HSD17B4: variants seen among roughly 807,000 people sequenced by gnomAD.
HSD17B4 encodes the protein peroxisomal multifunctional enzyme type 2.
Under a neutral mutation model 101.0 loss-of-function variants are expected in HSD17B4, and 70 were observed. That is an observed-to-expected ratio of 0.69 (90% CI 0.57 to 0.85). The LOEUF is 0.85. HSD17B4 is among the 40% of genes least tolerant of loss of function. HSD17B4 has a pLI of 0.00. For missense variants in HSD17B4, 984 were observed against 892.4 expected, an observed-to-expected ratio of 1.10 and a Z score of -1.31; for synonymous variants, 347 against 297.1, an observed-to-expected ratio of 1.17 and a Z score of -1.73.
At chr5:119,463,653 G>GTTTTTT (rs1755502154) in intron 2 of HSD17B4, among the ~76,000 whole-genome samples, 1 of 30,304 alleles carries the variant, frequency 3.3e-5, no homozygotes, top group Non-Finnish European at 7.6e-5. Context: ...CCATTTATAT[G>GTTTTTT]TCTTTTTTTT....
chr5:119,470,035 C>G (rs764047969), intron 2 of HSD17B4, among the ~76,000 whole-genome samples: 6 of 152,110 alleles, frequency 3.9e-5, no homozygotes, highest in African/African-American at 9.7e-5. Flanking sequence ...TTGTCTTGGT[C>G]CATATGGGGC....
Position 119,465,378 on chromosome 5 carries a change from G to T in HSD17B4, c.113-8530G>T, listed in dbSNP as rs559167401. ...TTGGTGATAAGTGAGTTCTTACTCA[G>T]TTCATGTGAGATCTGGTTGTTTAAA... On this transcript the variant is annotated intron_variant, in intron 2 of 23. Transcript: ENST00000510025. 4.6e-5 allele frequency among the ~76,000 whole-genome samples: 7 copies of T among 152,290 alleles called. No individual in the cohort carries two copies. In the East Asian group the frequency reaches 1.4e-3, roughly 29 times the overall value.
chr5:119,530,210 C>T, intron 21 of HSD17B4: 1 of 472,028 alleles, frequency 2.1e-6, no homozygotes, highest in Non-Finnish European at 3.8e-6. Flanking sequence ...TTCAAGAGAA[C>T]ATAATTTTCT....
intron 22 of HSD17B4, among the ~76,000 whole-genome samples, chr5:119,535,592 T>C (rs554048588): frequency 4.6e-4 from 69 of 151,158 alleles, no homozygotes; most frequent in Non-Finnish European, 9.7e-4. Flanking sequence ...AAAAGTAATA[T>C]GCTCTTGGTG....
chr5:119,529,242 T>C (rs748592289), intron 20 of HSD17B4, among the ~76,000 whole-genome samples: 125 of 152,304 alleles, frequency 8.2e-4, no homozygotes, highest in Middle Eastern at 3.4e-3. Flanking sequence ...TATGAAAGAA[T>C]AGCCATTGGA....
intron 13 of HSD17B4, chr5:119,499,780 C>T (rs1750992925): frequency 2.9e-5 from 9 of 308,658 alleles, no homozygotes; most frequent in Non-Finnish European, 4.6e-5. Context: ...TGTGTAGTCC[C>T]ATAACCCTGG....
intron 2 of HSD17B4, among the ~76,000 whole-genome samples, chr5:119,470,384 G>A (rs188162373): frequency 3.7e-4 from 57 of 152,222 alleles, no homozygotes; most frequent in Admixed American, 2.7e-3. Flanking sequence ...CACCAGCAGT[G>A]GTTCCATTAC....
chr5:119,517,717 A>G (rs1449536809), intron 17 of HSD17B4, among the ~76,000 whole-genome samples: 3 of 152,134 alleles, frequency 2.0e-5, no homozygotes, highest in African/African-American at 4.8e-5. Context: ...GACACTCTGT[A>G]TCTAGCTGCT....
At chr5:119,499,618 T>C in intron 13 of HSD17B4, 65 bp downstream of exon 13, 1 of 847,274 alleles carries the variant, frequency 1.2e-6, no homozygotes, top group South Asian at 1.3e-5. Context: ...ATTAATGTCA[T>C]ATCTTATATA....
Position 119,477,493 on chromosome 5 carries a change from G to A in HSD17B4, c.426G>A (p.Lys142=), listed in dbSNP as rs758018890. The change falls in exon 7 of 24, where the codon AAG becomes AAA. Residue 142 remains lysine, a synonymous_variant. Coordinates refer to ENST00000510025, the MANE Select transcript of HSD17B4 (RefSeq NM_000414.4). The part of the protein sequence containing the change: ...RAAWEHMKKQ[K]YGRIIMTSSA... ...CATGGGAACACATGAAGAAACAGAAGTATGGAAGGTAGAGTTGCATGTGGT... is the reference window on the plus strand; with the variant it reads ...CATGGGAACACATGAAGAAACAGAAATATGGAAGGTAGAGTTGCATGTGGT... 1.2e-6 allele frequency: 2 copies of A among 1,611,038 alleles called. No homozygotes were observed. The highest frequency in any genetic ancestry group is 4.5e-5 in the East Asian group (2 of 44,842).
chr5:119,507,271 C>T (rs965032314), intron 15 of HSD17B4, among the ~76,000 whole-genome samples: 8 of 152,092 alleles, frequency 5.3e-5, no homozygotes, highest in African/African-American at 1.9e-4. Flanking sequence ...AATGTGTTAG[C>T]TATTTGGAAC....
At chr5:119,530,870 A>AC (rs1561490067) in intron 21 of HSD17B4, among the ~76,000 whole-genome samples, 24 of 141,426 alleles carry the variant, frequency 1.7e-4, no homozygotes, top group Admixed American at 1.4e-4. Context: ...AAAACAAAAA[A>AC]CAAAAAAAAC....
intron 19 of HSD17B4, among the ~76,000 whole-genome samples, chr5:119,526,703 T>C (rs1753631933): frequency 6.6e-6 from 1 of 151,962 alleles, no homozygotes; most frequent in African/African-American, 2.4e-5. Context: ...TCCAGTAATA[T>C]ATACACAGAG....
rs1422412628 is a variant in HSD17B4 at position 119,471,964 on chromosome 5, CTG to C, written c.113-1942_113-1941del. Among the ~76,000 whole-genome samples, 3 of 152,220 alleles carry C rather than the reference CTG, an allele frequency of 2.0e-5. No individual in the cohort carries two copies. In the East Asian group the frequency reaches 5.8e-4, roughly 29 times the overall value. ...CATTCTTATACATTTGTGTGTCCCT[CTG>C]TAGATTTTCCTGCAAATAGTAAATT... On this transcript the variant is annotated intron_variant, in intron 2 of 23. Transcript: ENST00000510025.
At chr5:119,462,768 T>A (rs911860295) in intron 2 of HSD17B4, among the ~76,000 whole-genome samples, 2 of 152,240 alleles carry the variant, frequency 1.3e-5, no homozygotes, top group South Asian at 4.1e-4. Flanking sequence ...AGTGTGATAT[T>A]TTCATACCTT....
intron 22 of HSD17B4, among the ~76,000 whole-genome samples, chr5:119,533,208 G>A (rs1754261316): frequency 6.6e-6 from 1 of 151,688 alleles, no homozygotes; most frequent in African/African-American, 2.4e-5. Context: ...TGGGAGGATT[G>A]GTTCATTCAA....
At chr5:119,500,464 A>T (rs909328736) in intron 13 of HSD17B4, among the ~76,000 whole-genome samples, 1 of 152,052 alleles carries the variant, frequency 6.6e-6, no homozygotes, top group Non-Finnish European at 1.5e-5. Context: ...TTATACATAC[A>T]CATTTATTTT....
In HSD17B4 at chr5:119,489,116, T is replaced by C. The variant is rs370958635; in HGVS notation, c.623-76T>C. ...GTTCCTATTTTAAAGGTCTCTGAAT[T>C]ACCTATAATTTTATAAGTAAGAAAT... is the stretch of plus-strand genomic sequence containing the variant. On this transcript the variant is annotated intron_variant, in intron 8 of 23. Transcript: ENST00000510025. 7.4e-5 allele frequency: 72 copies of C among 979,280 alleles called. No homozygotes were observed. In the South Asian group the frequency reaches 9.1e-4, roughly 12 times the overall value. 60.7% of individuals were successfully genotyped at this position (979,280 alleles called of 1,614,324 possible). A position where few individuals can be genotyped will look rare whatever the true frequency, so the allele number is the denominator to read the frequency against.
intron 2 of HSD17B4, among the ~76,000 whole-genome samples, chr5:119,468,686 A>G (rs913683052): frequency 3.3e-5 from 5 of 152,130 alleles, no homozygotes; most frequent in Non-Finnish European, 7.4e-5. Context: ...GTTTTCAGCT[A>G]AAATGTTTTC....
Sources: allele counts gnomAD v4.1 joint callset (sites outside exome capture counted in the v4.1 genomes callset), GRCh38; gene constraint gnomAD v4.1.1; transcripts MANE v1.5; gene names NCBI Gene and HGNC (gene_info 2026-07-23, HGNC 2026-07-21).